Variants in LARGE1 observed in about 807,000 individuals in gnomAD.
The protein encoded by LARGE1 is LARGE xylosyl- and glucuronyltransferase 1.
LARGE1 carries 43 observed loss-of-function variants against 87.6 expected under a neutral mutation model. The observed-to-expected ratio is 0.49, with a 90% confidence interval of 0.38 to 0.63. LARGE1 has a LOEUF of 0.63. Among genes scored for constraint, LARGE1 ranks in the 30% least tolerant of loss-of-function variants. The pLI is 0.00. For missense variants in LARGE1, 802 were observed against 1,000.2 expected, an observed-to-expected ratio of 0.80 and a Z score of 2.67; for synonymous variants, 434 against 394.6, an observed-to-expected ratio of 1.10 and a Z score of -1.18.
At chr22:33,164,671 C>A (rs1922170513) in exon 12 of LARGE1, 1 of 151,982 alleles carries the variant, frequency 6.6e-6, no homozygotes, top group African/African-American at 2.4e-5. Context: ...GCACACAACA[C>A]CACACCTGGC....
intron 11 of LARGE1, among the ~76,000 whole-genome samples, chr22:33,254,120 G>A (rs769136100): frequency 2.0e-5 from 3 of 152,272 alleles, no homozygotes; most frequent in South Asian, 2.1e-4. Context: ...CCACTACCAC[G>A]TGCATTTGGC....
intron 1 of LARGE1, among the ~76,000 whole-genome samples, chr22:33,785,060 T>TAGATATATGTGTATACATACATGTGTAC (rs2085568647): frequency 7.9e-6 from 1 of 126,324 alleles, no homozygotes; most frequent in South Asian, 2.7e-4. Context: ...TACATGTGTA[T>TAGATATATGTGTATACATACATGTGTAC]ATAGATATAT....
the LARGE1 span, among the ~76,000 whole-genome samples, chr22:33,087,493 A>G: frequency 7.9e-5 from 12 of 152,228 alleles, no homozygotes; most frequent in Non-Finnish European, 1.6e-4. Context: ...CAACATGTGT[A>G]CCCAAAAAGT....
At chr22:33,165,492 T>A (rs544950659) in exon 12 of LARGE1, 2 of 152,340 alleles carry the variant, frequency 1.3e-5, no homozygotes, top group East Asian at 3.9e-4. Context: ...ACCAGTTTGA[T>A]TCCTCATCTG....
At chr22:33,341,220 T>C (rs534250715) in intron 9 of LARGE1, among the ~76,000 whole-genome samples, 2 of 152,206 alleles carry the variant, frequency 1.3e-5, no homozygotes, top group Non-Finnish European at 1.5e-5. Context: ...GCTTCCACCA[T>C]GTGAAGACAG....
chr22:33,395,245 A>AAAAAAT (rs1200748051), intron 7 of LARGE1, among the ~76,000 whole-genome samples: 1 of 151,234 alleles, frequency 6.6e-6, no homozygotes, highest in African/African-American at 2.4e-5. Flanking sequence ...AAAAAAAAAA[A>AAAAAAT]AAGCCAGGAA....
At chr22:33,523,563 C>T (rs1207524585) in intron 6 of LARGE1, among the ~76,000 whole-genome samples, 1 of 152,152 alleles carries the variant, frequency 6.6e-6, no homozygotes, top group African/African-American at 2.4e-5. Flanking sequence ...ATGAAGGCCA[C>T]CACATTAGAT....
chr22:33,265,905 CAG>C (rs138747386), intron 11 of LARGE1, among the ~76,000 whole-genome samples: 11,509 of 152,192 alleles, frequency 0.076, 468 homozygotes, highest in African/African-American at 0.1. Flanking sequence ...GCAGCACCAA[CAG>C]AGTCAGACTT....
rs573386426 is a variant in LARGE1, at chr22:33,823,917, T to A, written c.-82-62359A>T. 2.3e-4 allele frequency among the ~76,000 whole-genome samples: 35 copies of A among 152,314 alleles called. 1 individual carries two copies. The East Asian group carries it at 6.6e-3, about 29-fold the overall frequency. On this transcript the variant is annotated intron_variant, in intron 1 of 14. Transcript: ENST00000397394. ...ACCCCACAGCCCAGTGATGGTTCATTCCTCATTTGCCCTGTTAAGTGTCTA... is the reference window on the plus strand; with the variant it reads ...ACCCCACAGCCCAGTGATGGTTCATACCTCATTTGCCCTGTTAAGTGTCTA...
At chr22:33,437,117 C>T (rs1257376588) in intron 6 of LARGE1, among the ~76,000 whole-genome samples, 2 of 152,138 alleles carry the variant, frequency 1.3e-5, no homozygotes, top group African/African-American at 4.8e-5. Flanking sequence ...AAACCAACTC[C>T]CCAGGTAATT....
rs372745060 is a variant in LARGE1, at chr22:33,496,510, G to C, written c.788-64245C>G. Reference sequence around the variant, plus strand: ...AGGGTAATCCAAGAACCAGGAAAAGGGCAATCACCAAGACACCAAGCTGAG... The same window carrying C: ...AGGGTAATCCAAGAACCAGGAAAAGCGCAATCACCAAGACACCAAGCTGAG... On this transcript the variant is annotated intron_variant, in intron 6 of 14. Transcript: ENST00000397394. 2.0e-5 allele frequency among the ~76,000 whole-genome samples: 3 copies of C among 152,102 alleles called. No homozygotes were observed. In the East Asian group the frequency reaches 5.8e-4, roughly 29 times the overall value.
the LARGE1 span, among the ~76,000 whole-genome samples, chr22:33,146,829 C>A: frequency 1.3e-5 from 2 of 152,002 alleles, no homozygotes; most frequent in Non-Finnish European, 2.9e-5. Context: ...CAAGCATGGA[C>A]CCACCATCCA....
chr22:33,818,274 G>C (rs746438494), intron 1 of LARGE1, among the ~76,000 whole-genome samples: 1 of 152,136 alleles, frequency 6.6e-6, no homozygotes, highest in African/African-American at 2.4e-5. Context: ...CGAAATCATC[G>C]TATTTGCTTA....
chr22:33,284,481 GT>G (rs1645628667), intron 12 of LARGE1, among the ~76,000 whole-genome samples: 1 of 152,200 alleles, frequency 6.6e-6, no homozygotes, highest in Admixed American at 6.5e-5. Context: ...GCACGCCTGG[GT>G]TTGTCTGCCT....
At chr22:33,315,507 G>A (rs769556007) in intron 11 of LARGE1, among the ~76,000 whole-genome samples, 35 of 152,122 alleles carry the variant, frequency 2.3e-4, no homozygotes, top group Non-Finnish European at 3.7e-4. Flanking sequence ...ATTCGAGTCG[G>A]GCTCTACTTC....
intron 11 of LARGE1, among the ~76,000 whole-genome samples, chr22:33,171,545 T>C (rs961863607): frequency 6.6e-6 from 1 of 152,170 alleles, no homozygotes; most frequent in African/African-American, 2.4e-5. Flanking sequence ...GCTTCCAGAC[T>C]TGGTGCCCTG....
At chr22:33,889,274 T>C (rs983300593) in intron 1 of LARGE1, 7 of 152,252 alleles carry the variant, frequency 4.6e-5, no homozygotes, top group Non-Finnish European at 8.8e-5. Flanking sequence ...TTTGCAAGTG[T>C]ATGTCTGACA....
chr22:33,273,807 A>G lies in LARGE1; in HGVS notation c.*620T>C. ...AGCCCCAAAAATAAACAAAACCCCC[A>G]AAGAAAAACAAAACAAAACAGGAGT... On this transcript the variant is annotated 3_prime_UTR_variant, in exon 15 of 15. Transcript: ENST00000397394. The G allele has an allele frequency of 2.5e-6, 1 of 396,212 alleles. No individual in the cohort carries two copies. The highest frequency in any genetic ancestry group is 4.4e-6 in the Non-Finnish European group (1 of 225,782). 24.5% of individuals were successfully genotyped at this position (396,212 alleles called of 1,614,324 possible).
rs1218968780 is a variant in LARGE1, at chr22:33,651,240, A to AAAAAAAAAAAAAAAAAAC, written c.107-573_107-572insGTTTTTTTTTTTTTTTTT. On this transcript the variant is annotated intron_variant, in intron 2 of 14. Transcript: ENST00000397394. ...ACTAAAAATACAAAAAAAAAAAAAA[A>AAAAAAAAAAAAAAAAAAC]AATTAGCCGGGCTTGGTGGCACACA... Among the ~76,000 whole-genome samples the AAAAAAAAAAAAAAAAAAC allele has an allele frequency of 3.5e-5, 5 of 144,192 alleles. 1 individual carries two copies. Among genetic ancestry groups the AAAAAAAAAAAAAAAAAAC allele is most frequent in the Non-Finnish European group, 7.7e-5 (5 of 65,358 alleles). The allele number at this position is 144,192 out of a possible 152,430, so 94.6% of individuals were successfully genotyped here. A position where few individuals can be genotyped will look rare whatever the true frequency, so the allele number is the denominator to read the frequency against.
Sources: gnomAD v4.1 joint callset for allele counts (sites outside exome capture counted in the v4.1 genomes callset) on GRCh38, gnomAD v4.1.1 for gene constraint, MANE v1.5 for transcripts, NCBI Gene and HGNC (gene_info 2026-07-23, HGNC 2026-07-21) for gene names.